The following ALDH5A1 variants were observed in gnomAD, a reference collection of about 807,000 sequenced individuals.
ALDH5A1 encodes the protein aldehyde dehydrogenase 5 family member A1, also known as succinate-semialdehyde dehydrogenase, mitochondrial.
A neutral mutation model predicts 54.7 loss-of-function variants in ALDH5A1; 33 were observed. The ratio of observed to expected loss-of-function variants is 0.60; its 90% CI spans 0.46 to 0.81. The LOEUF (loss-of-function observed/expected upper bound fraction) is 0.81, where lower values mean the gene tolerates loss of function less well. ALDH5A1 is among the 30% of genes least tolerant of loss of function. The probability of loss-of-function intolerance (pLI) is 0.00; values close to 1 mark genes in which losing one functional copy is unlikely to be tolerated. For synonymous variants in ALDH5A1, 294 were observed against 292.7 expected (o/e 1.00, Z -0.05); for missense variants, 657 against 711.0 (o/e 0.92, Z 0.86).
At chr6:24,505,563 A>C (rs540711495) in intron 4 of ALDH5A1, among the ~76,000 whole-genome samples, 31 of 151,940 alleles carry the variant, frequency 2.0e-4, no homozygotes, top group African/African-American at 7.0e-4. Flanking sequence ...CAAACTTTAT[A>C]CTTTCCCTCT....
rs201098443 is a variant in ALDH5A1, at chr6:24,523,986, T to G, written c.1173+1061T>G. Among the ~76,000 whole-genome samples the G allele has an allele frequency of 8.7e-3, 68 of 7,792 alleles. 1 individual carries two copies. The highest frequency in any genetic ancestry group is 0.018 in the African/African-American group (34 of 1,876). The allele number at this position is 7,792 out of a possible 152,430, so 5.1% of individuals were successfully genotyped here. ...AATATCAAACATCCAGTTTTTTGTG[T>G]TTTTTTTTTTTTTTTTTGAGACGGC... On this transcript the variant is annotated intron_variant, in intron 7 of 9. Transcript: ENST00000357578.
At chr6:24,505,102 G>A (rs1759312352) in intron 4 of ALDH5A1, 117 bp downstream of exon 4, 3 of 1,049,318 alleles carry the variant, frequency 2.9e-6, no homozygotes, top group Admixed American at 1.7e-5. Flanking sequence ...CCTGATGCAT[G>A]GTGTTGTGTA....
chr6:24,527,865 C>T lies in ALDH5A1; in HGVS notation c.1174-132C>T, dbSNP rs77807345. ...ATGTGGTTCCTTCTACAAAAGGAAA[C>T]CAGCATGCTTTATTGTTAACCTACT... On this transcript the variant is annotated intron_variant, in intron 7 of 9. Coordinates refer to ENST00000357578, the MANE Select transcript of ALDH5A1 (RefSeq NM_001080.3). 0.011 allele frequency: 10,863 copies of T among 981,320 alleles called. 128 individuals are homozygous for T. The highest frequency in any genetic ancestry group is 0.056 in the African/African-American group (3,422 of 61,340). The allele number at this position is 981,320 out of a possible 1,614,324, so 60.8% of individuals were successfully genotyped here. A position where few individuals can be genotyped will look rare whatever the true frequency, so the allele number is the denominator to read the frequency against.
chr6:24,506,257 T>C (rs1759351856), intron 4 of ALDH5A1, among the ~76,000 whole-genome samples: 1 of 96,740 alleles, frequency 1.0e-5, no homozygotes, highest in African/African-American at 3.4e-5. Flanking sequence ...TTTTTTTTTT[T>C]TTTTTTTTTT....
At chr6:24,522,619 G>C (rs756619927) in intron 6 of ALDH5A1, 148 bp from the exon 7 acceptor site, 28 of 896,342 alleles carry the variant, frequency 3.1e-5, no homozygotes, top group Middle Eastern at 3.4e-4. Flanking sequence ...TTGGGGCCAA[G>C]CCCACGTGAG....
At chr6:24,515,118 T>TTTTTTTTTTTG (rs1383332212) in intron 4 of ALDH5A1, 49 bp from the exon 5 acceptor site, 1 of 1,528,062 alleles carries the variant, frequency 6.5e-7, no homozygotes, top group African/African-American at 1.4e-5. Context: ...TTTTTTTTTT[T>TTTTTTTTTTTG]TTTCAGTTTG....
At chr6:24,520,327 A>AT (rs1300592592) in intron 5 of ALDH5A1, 74 bp from the exon 6 acceptor site, 3 of 1,597,852 alleles carry the variant, frequency 1.9e-6, no homozygotes, top group Middle Eastern at 2.1e-4. Context: ...CCATTTGGTA[A>AT]TTTTTTTAAA....
intron 9 of ALDH5A1, among the ~76,000 whole-genome samples, chr6:24,532,868 G>A (rs141200565): frequency 0.016 from 2,448 of 152,216 alleles, 32 homozygotes; most frequent in Non-Finnish European, 0.025. Context: ...TAAGATGTGT[G>A]CACAAGGACG....
At chr6:24,523,004 C>A in intron 7 of ALDH5A1, 79 bp downstream of exon 7, 2 of 623,532 alleles carry the variant, frequency 3.2e-6, no homozygotes, top group Non-Finnish European at 5.1e-6. Flanking sequence ...AACACTTTGG[C>A]TGGAGGGGTG....
chr6:24,497,191 T>G (rs1412924274), intron 1 of ALDH5A1, among the ~76,000 whole-genome samples: 1 of 152,092 alleles, frequency 6.6e-6, no homozygotes, highest in Non-Finnish European at 1.5e-5. Flanking sequence ...CGCTGCTGGG[T>G]GGGTGGGGCG....
chr6:24,500,324 A>G (rs1313165228), intron 1 of ALDH5A1, among the ~76,000 whole-genome samples: 2 of 152,140 alleles, frequency 1.3e-5, no homozygotes, highest in East Asian at 1.9e-4. Flanking sequence ...GCCCCAGTCC[A>G]TATGTCAGTC....
intron 6 of ALDH5A1, chr6:24,522,513 T>TGTGTGTGTG: frequency 4.2e-6 from 1 of 236,750 alleles, no homozygotes; most frequent in African/African-American, 3.6e-5. Context: ...GTACAGGTGC[T>TGTGTGTGTG]TATTGCCAAC....
At chr6:24,520,974 TCTC>T (rs1230538380) in intron 6 of ALDH5A1, among the ~76,000 whole-genome samples, 2 of 152,164 alleles carry the variant, frequency 1.3e-5, no homozygotes, top group African/African-American at 4.8e-5. Flanking sequence ...ACGGATATAA[TCTC>T]CTCAGACACA....
chr6:24,528,473 C>T (rs1759864557), intron 8 of ALDH5A1, among the ~76,000 whole-genome samples: 1 of 152,014 alleles, frequency 6.6e-6, no homozygotes, highest in Non-Finnish European at 1.5e-5. Flanking sequence ...AGCAATTCTC[C>T]TGCCTCAGCC....
At position 24,522,687 on chromosome 6, in the gene ALDH5A1, G is replaced by A. The variant is rs1759717643; in HGVS notation, c.1015-80G>A. 2.6e-6 allele frequency: 4 copies of A among 1,534,850 alleles called. No individual in the cohort carries two copies. The Admixed American group carries it at 6.7e-5, about 26-fold the overall frequency. Reference sequence around the variant, plus strand: ...ACCGAGGGAAGTGTTTTCACAGAGAGGCGGTAGCAGCCACACGTTCACTGG... The same window carrying A: ...ACCGAGGGAAGTGTTTTCACAGAGAAGCGGTAGCAGCCACACGTTCACTGG... On this transcript the variant is annotated intron_variant, in intron 6 of 9. Coordinates refer to ENST00000357578, the MANE Select transcript of ALDH5A1 (RefSeq NM_001080.3).
rs1215920180 is a variant in ALDH5A1 at position 24,509,579 on chromosome 6, TCTC to T, written c.726+4598_726+4600del. Among the ~76,000 whole-genome samples the T allele has an allele frequency of 6.6e-6, 1 of 152,198 alleles. No individual in the cohort carries two copies. Among genetic ancestry groups the T allele is most frequent in the Admixed American group, 6.5e-5 (1 of 15,280 alleles). ...CTGTATATTTCCAGGAATTTATCCA[TCTC>T]CTCTCGGTTTTCTAGTTTATGTGTG... is the stretch of plus-strand genomic sequence containing the variant. On this transcript the variant is annotated intron_variant, in intron 4 of 9. Coordinates refer to ENST00000357578, the MANE Select transcript of ALDH5A1 (RefSeq NM_001080.3). This position sits in a 1 kb window ranked among gnomAD's most constrained non-coding sequence, Gnocchi z 4.7.
chr6:24,505,024 G>A (rs1759311110), intron 4 of ALDH5A1, 39 bp downstream of exon 4: 1 of 1,602,934 alleles, frequency 6.2e-7, no homozygotes, highest in Non-Finnish European at 8.5e-7. Context: ...AGCAGACAAA[G>A]TTCAAAAATT....
intron 1 of ALDH5A1, among the ~76,000 whole-genome samples, chr6:24,499,783 C>G (rs1249299748): frequency 1.3e-5 from 2 of 151,892 alleles, no homozygotes; most frequent in Admixed American, 6.6e-5. Context: ...CTCAGCCTCC[C>G]GAGTAGCTGG....
chr6:24,532,067 T>A (rs1677110008), intron 8 of ALDH5A1, 52 bp from the exon 9 acceptor site: 12 of 1,555,036 alleles, frequency 7.7e-6, no homozygotes, highest in Non-Finnish European at 1.1e-5. Context: ...ACAAAACTGG[T>A]TTCCTTTCCT....
Sources: gnomAD v4.1 joint callset for allele counts (sites outside exome capture counted in the v4.1 genomes callset) on GRCh38, gnomAD v4.1.1 for gene constraint, Gnocchi (gnomAD v3.1) non-coding constraint, MANE v1.5 for transcripts, NCBI Gene and HGNC (gene_info 2026-07-23, HGNC 2026-07-21) for gene names.